Variants in DCC observed in about 807,000 individuals in gnomAD.
The protein encoded by DCC is netrin receptor DCC.
Under a neutral mutation model 172.5 loss-of-function variants are expected in DCC, and 58 were observed. The ratio of observed to expected loss-of-function variants is 0.34; its 90% CI spans 0.27 to 0.42. The LOEUF is 0.42. DCC is among the 10% of genes least tolerant of loss of function. The pLI, the probability that DCC is intolerant of heterozygous loss-of-function variation, is 1.00. For synonymous variants in DCC, 709 were observed against 644.5 expected (o/e 1.10, Z -1.52); for missense variants, 1,740 against 1,791.0 (o/e 0.97, Z 0.51).
chr18:52,939,550 C>A (rs2040429983), intron 5 of DCC, among the ~76,000 whole-genome samples: 1 of 152,202 alleles, frequency 6.6e-6, no homozygotes, highest in African/African-American at 2.4e-5. Flanking sequence ...TTACCATCAT[C>A]ATCCACATTG....
chr18:52,554,782 T>G (rs76627485), intron 1 of DCC, among the ~76,000 whole-genome samples: 6,259 of 152,168 alleles, frequency 0.041, 161 homozygotes, highest in Non-Finnish European at 0.054. Context: ...ACTATCAGGA[T>G]GGTGAAGTAA....
intron 2 of DCC, among the ~76,000 whole-genome samples, chr18:52,850,688 C>A (rs1347499869): frequency 6.6e-6 from 1 of 151,938 alleles, no homozygotes; most frequent in Non-Finnish European, 1.5e-5. Context: ...ACACATTCAC[C>A]CCCCAGTAAT....
chr18:52,865,715 T>C (rs2039216531), intron 2 of DCC, among the ~76,000 whole-genome samples: 2 of 152,016 alleles, frequency 1.3e-5, no homozygotes, highest in Non-Finnish European at 2.9e-5. Context: ...TTCTTGTAAA[T>C]TTGTTTAAGT....
chr18:53,154,047 G>A (rs1252196773), intron 7 of DCC, among the ~76,000 whole-genome samples: 1 of 152,196 alleles, frequency 6.6e-6, no homozygotes, highest in African/African-American at 2.4e-5. Context: ...GGTATTTTCT[G>A]TCTTGCTGTA....
intron 2 of DCC, among the ~76,000 whole-genome samples, chr18:52,864,869 T>A (rs969509379): frequency 6.6e-5 from 10 of 151,102 alleles, no homozygotes; most frequent in African/African-American, 2.4e-4. Flanking sequence ...ATCCTTTTTT[T>A]ATTTTATTTT....
At chr18:52,859,741 A>G (rs2039110340) in intron 2 of DCC, among the ~76,000 whole-genome samples, 1 of 152,170 alleles carries the variant, frequency 6.6e-6, no homozygotes, top group Admixed American at 6.5e-5. Context: ...TTCTGTTTGC[A>G]GGCCCTCTGA....
chr18:53,435,388 A>T (rs1911877090), intron 22 of DCC, among the ~76,000 whole-genome samples, 179 bp downstream of exon 22: 1 of 152,138 alleles, frequency 6.6e-6, no homozygotes, highest in African/African-American at 2.4e-5. Flanking sequence ...AAAAAACAAA[A>T]AACTTCTAGC....
chr18:52,719,349 C>A (rs946248157), intron 1 of DCC, among the ~76,000 whole-genome samples: 2 of 151,588 alleles, frequency 1.3e-5, no homozygotes, highest in African/African-American at 4.8e-5. Flanking sequence ...GAAAAAAAAT[C>A]AACATTAAAA....
chr18:52,798,730 C>T (rs1406192983), intron 2 of DCC, among the ~76,000 whole-genome samples: 1 of 149,068 alleles, frequency 6.7e-6, no homozygotes. Context: ...ATTTAGAGCC[C>T]CAAACCATTC....
chr18:52,537,167 C>T (rs978546323), intron 1 of DCC, among the ~76,000 whole-genome samples: 1 of 152,094 alleles, frequency 6.6e-6, no homozygotes, highest in Non-Finnish European at 1.5e-5. Flanking sequence ...TAAAACATCT[C>T]ACATCTAGAG....
At chr18:52,594,689 C>A (rs1448147785) in intron 1 of DCC, among the ~76,000 whole-genome samples, 1 of 152,072 alleles carries the variant, frequency 6.6e-6, no homozygotes, top group East Asian at 1.9e-4. Context: ...TCTGGGGAGG[C>A]CTCAGGAAGC....
chr18:53,352,527 T>C (rs989778013), intron 15 of DCC, among the ~76,000 whole-genome samples: 10 of 152,116 alleles, frequency 6.6e-5, no homozygotes, highest in South Asian at 4.1e-4. Flanking sequence ...CTCCAGACTA[T>C]ACATTTTTGG....
chr18:53,416,273 A>C, intron 21 of DCC, 117 bp downstream of exon 21: 2 of 778,902 alleles, frequency 2.6e-6, no homozygotes, highest in Non-Finnish European at 4.5e-6. Context: ...TGAAGCAGAC[A>C]CTGGCGTGAC....
At position 53,533,487 on chromosome 18, in the gene DCC, A is replaced by G. The variant is rs756177175; in HGVS notation, c.*2834A>G. ...GCAACATCCTCTTTTTTTTAAAAAA[A>G]ATGGTATTTTTCTTTAAATTTCACC... On this transcript the variant is annotated 3_prime_UTR_variant, in exon 29 of 29. Coordinates refer to ENST00000442544, the MANE Select transcript of DCC (RefSeq NM_005215.4). 1 of 152,108 alleles carries G rather than the reference A, an allele frequency of 6.6e-6. No individual in the cohort carries two copies. Among genetic ancestry groups the G allele is most frequent in the Non-Finnish European group, 1.5e-5 (1 of 68,008 alleles). The allele number at this position is 152,108 out of a possible 1,614,324, so 9.4% of individuals were successfully genotyped here.
intron 2 of DCC, among the ~76,000 whole-genome samples, chr18:52,835,484 TGAAG>T (rs1288535216): frequency 2.6e-5 from 4 of 152,222 alleles, no homozygotes; most frequent in African/African-American, 9.6e-5. Context: ...TTGAAAATGT[TGAAG>T]GAAATATGAC....
chr18:52,892,409 C>G (rs2039664303), intron 2 of DCC: 1 of 152,072 alleles, frequency 6.6e-6, no homozygotes, highest in Non-Finnish European at 1.5e-5. Flanking sequence ...TCTTCTCAGA[C>G]TAGGTGTCAT....
chr18:53,268,290 T>G (rs925437074), intron 12 of DCC, among the ~76,000 whole-genome samples: 2 of 152,174 alleles, frequency 1.3e-5, no homozygotes, highest in African/African-American at 4.8e-5. Context: ...GCAATCTGAT[T>G]TACACATACT....
chr18:52,398,728 G>A (rs1986326655), intron 1 of DCC, among the ~76,000 whole-genome samples: 1 of 151,990 alleles, frequency 6.6e-6, no homozygotes, highest in Non-Finnish European at 1.5e-5. Flanking sequence ...TGAGTTAGGA[G>A]TGATATAAAT....
At chr18:53,500,924 G>A (rs1042530573) in intron 27 of DCC, among the ~76,000 whole-genome samples, 1 of 152,020 alleles carries the variant, frequency 6.6e-6, no homozygotes, top group Non-Finnish European at 1.5e-5. Context: ...ACTACATTAT[G>A]GGGAGGATCT....
Sources: gnomAD v4.1 joint callset for allele counts (sites outside exome capture counted in the v4.1 genomes callset) on GRCh38, gnomAD v4.1.1 for gene constraint, MANE v1.5 for transcripts, NCBI Gene and HGNC (gene_info 2026-07-23, HGNC 2026-07-21) for gene names.